Variants in QTMAN observed in about 807,000 individuals in gnomAD.
QTMAN encodes tRNA-queuosine alpha-mannosyltransferase.
At chr2:144,028,598 A>AC in the QTMAN span, among the ~76,000 whole-genome samples, 1 of 152,188 alleles carries the variant, frequency 6.6e-6, no homozygotes, top group Admixed American at 6.5e-5. Flanking sequence ...TGTTGATGAG[A>AC]CCACGCTTCC....
At chr2:144,079,577 T>G in the QTMAN span, among the ~76,000 whole-genome samples, 3 of 152,042 alleles carry the variant, frequency 2.0e-5, no homozygotes, top group African/African-American at 7.2e-5. Context: ...ATGAGAATGT[T>G]TACACTGTTA....
the QTMAN span, among the ~76,000 whole-genome samples, chr2:144,112,236 T>C: frequency 6.6e-6 from 1 of 152,186 alleles, no homozygotes; most frequent in African/African-American, 2.4e-5. Context: ...AACTACAGAA[T>C]CTAACTGAGG....
chr2:144,072,545 TGCAAG>T, the QTMAN span, among the ~76,000 whole-genome samples: 4 of 152,230 alleles, frequency 2.6e-5, no homozygotes, highest in Non-Finnish European at 5.9e-5. Flanking sequence ...TGATGTCAAC[TGCAAG>T]GCAGAACACA....
chr2:144,298,877 T>C, the QTMAN span, among the ~76,000 whole-genome samples: 41 of 152,210 alleles, frequency 2.7e-4, no homozygotes, highest in Non-Finnish European at 5.9e-5. Context: ...ATTGCAAATA[T>C]CCTGCCAGAG....
the QTMAN span, among the ~76,000 whole-genome samples, chr2:144,264,636 G>A: frequency 1.3e-5 from 2 of 152,188 alleles, no homozygotes; most frequent in Non-Finnish European, 2.9e-5. Flanking sequence ...ATACGGGTGA[G>A]GCTAGTCAGG....
At chr2:143,947,095 T>C in the QTMAN span, 1 of 1,614,030 alleles carries the variant, frequency 6.2e-7, no homozygotes, top group Non-Finnish European at 8.5e-7. Context: ...AGACCTGAAT[T>C]TACCATGTAG....
chr2:144,129,011 T>C, the QTMAN span, among the ~76,000 whole-genome samples: 1 of 151,836 alleles, frequency 6.6e-6, no homozygotes, highest in Non-Finnish European at 1.5e-5. Flanking sequence ...TCCCACTGTC[T>C]CTTTTAATTC....
the QTMAN span, among the ~76,000 whole-genome samples, chr2:144,287,207 C>T: frequency 1.3e-5 from 2 of 152,120 alleles, no homozygotes; most frequent in Non-Finnish European, 2.9e-5. Flanking sequence ...GAGGCCAAAG[C>T]GGGCGGATCA....
the QTMAN span, among the ~76,000 whole-genome samples, chr2:144,041,727 G>T: frequency 1.3e-5 from 2 of 152,154 alleles, no homozygotes; most frequent in Non-Finnish European, 2.9e-5. Context: ...GTGTGTTGAG[G>T]GCCAGTTCAG....
the QTMAN span, among the ~76,000 whole-genome samples, chr2:143,984,136 C>T: frequency 6.6e-6 from 1 of 152,192 alleles, no homozygotes; most frequent in East Asian, 1.9e-4. Context: ...ATATTTATAA[C>T]ATTGTACCAA....
chr2:144,141,884 G>C, the QTMAN span: 1 of 1,605,050 alleles, frequency 6.2e-7, no homozygotes, highest in Non-Finnish European at 8.5e-7. Flanking sequence ...ATACTGACCT[G>C]CTCACATCAG....
the QTMAN span, among the ~76,000 whole-genome samples, chr2:143,983,419 T>C: frequency 2.6e-5 from 4 of 152,018 alleles, no homozygotes; most frequent in African/African-American, 4.8e-5. Context: ...AAGTTTGCTA[T>C]ACTTTATAAT....
chr2:144,172,621 CAAAAAAA>C, the QTMAN span, among the ~76,000 whole-genome samples: 20 of 51,366 alleles, frequency 3.9e-4, no homozygotes, highest in East Asian at 3.1e-3. Flanking sequence ...AAGACTCTGT[CAAAAAAA>C]AAAAAAAAAA....
the QTMAN span, among the ~76,000 whole-genome samples, chr2:144,140,489 A>ATCACAGGAAAAT: frequency 6.6e-6 from 1 of 152,060 alleles, no homozygotes; most frequent in Non-Finnish European, 1.5e-5. Context: ...GTTCTAGTTA[A>ATCACAGGAAAAT]TCACAGGCAA....
chr2:144,121,439 CT>C, the QTMAN span, among the ~76,000 whole-genome samples: 2 of 152,160 alleles, frequency 1.3e-5, no homozygotes, highest in Non-Finnish European at 2.9e-5. Flanking sequence ...CACTCCCAGA[CT>C]CCTTAGCTCA....
the QTMAN span, among the ~76,000 whole-genome samples, chr2:144,306,447 T>C: frequency 6.6e-6 from 1 of 152,228 alleles, no homozygotes; most frequent in African/African-American, 2.4e-5. Context: ...GAGGGCCTTC[T>C]TCCTCACTTG....
chr2:143,952,118 A>G, the QTMAN span: 1 of 1,077,048 alleles, frequency 9.3e-7, no homozygotes, highest in Non-Finnish European at 1.4e-6. Flanking sequence ...AAAACCTCAA[A>G]GCACACACTC....
At chr2:143,995,997 A>G in the QTMAN span, among the ~76,000 whole-genome samples, 1 of 152,108 alleles carries the variant, frequency 6.6e-6, no homozygotes, top group Non-Finnish European at 1.5e-5. Context: ...TATCCTGACC[A>G]CTTATGATCA....
the QTMAN span, among the ~76,000 whole-genome samples, chr2:144,089,924 T>C: frequency 6.6e-6 from 1 of 151,996 alleles, no homozygotes; most frequent in Non-Finnish European, 1.5e-5. Context: ...CTAAATACAA[T>C]GACTTGATCA....
Sources: gnomAD v4.1 joint callset for allele counts (sites outside exome capture counted in the v4.1 genomes callset) on GRCh38, gnomAD v4.1.1 for gene constraint, MANE v1.5 for transcripts, NCBI Gene and HGNC (gene_info 2026-07-23, HGNC 2026-07-21) for gene names.